The following POLA2 variants were observed in gnomAD, a reference collection of about 807,000 sequenced individuals.
POLA2 encodes DNA polymerase alpha 2, accessory subunit.
Under a neutral mutation model 82.8 loss-of-function variants are expected in POLA2, and 47 were observed. The ratio of observed to expected loss-of-function variants is 0.57; its 90% confidence interval spans 0.45 to 0.72. The LOEUF (loss-of-function observed/expected upper bound fraction) is 0.72, where lower values mean the gene tolerates loss of function less well. POLA2 is among the 30% of genes least tolerant of loss of function. POLA2 has a pLI of 0.00. For missense variants in POLA2, 634 were observed against 728.1 expected (o/e 0.87, Z 1.49); for synonymous variants, 287 against 286.8 (o/e 1.00, Z -0.01).
At position 65,297,214 on chromosome 11, in the gene POLA2, C is replaced by T. The variant is rs1176008657; in HGVS notation, c.1742C>T (p.Ala581Val). ...CGACTCTACCTTAGGAGGCCGGCAG[C>T]GGACGGGGCAGAGAGGCAGAGCCCA... ...FARLYLRRPA[A>V]DGAERQSPCI... Residue 581 changes from alanine (A) to valine (V), a missense_variant, in exon 18 of 18, where the codon GCG becomes GTG. Ala to Val is a moderately conservative substitution (Grantham distance 64, BLOSUM62 0). Coordinates refer to ENST00000265465, the MANE Select transcript of POLA2 (RefSeq NM_002689.4). 5.0e-6 allele frequency: 8 copies of T among 1,613,698 alleles called. No homozygotes were observed. The highest frequency in any genetic ancestry group is 2.7e-5 in the African/African-American group (2 of 74,908).
intron 5 of POLA2, among the ~76,000 whole-genome samples, chr11:65,276,593 A>G (rs1949582037): frequency 6.6e-6 from 1 of 152,090 alleles, no homozygotes; most frequent in Non-Finnish European, 1.5e-5. Flanking sequence ...AAATCCATAA[A>G]TGACACGTCT....
intron 6 of POLA2, among the ~76,000 whole-genome samples, 173 bp downstream of exon 6, chr11:65,279,096 C>T (rs1430635337): frequency 6.6e-6 from 1 of 152,206 alleles, no homozygotes; most frequent in Non-Finnish European, 1.5e-5. Flanking sequence ...GCAATACTAT[C>T]AGTGATTGCC....
chr11:65,302,327 C>A (rs1362528166), downstream of POLA2, among the ~76,000 whole-genome samples: 4 of 152,206 alleles, frequency 2.6e-5, no homozygotes, highest in Admixed American at 1.3e-4. Flanking sequence ...TAGCCCCGCT[C>A]CTGCTTCAGA....
intron 8 of POLA2, among the ~76,000 whole-genome samples, chr11:65,304,285 A>G (rs559822942): frequency 9.3e-5 from 14 of 149,916 alleles, no homozygotes; most frequent in Non-Finnish European, 1.8e-4. Flanking sequence ...TCTTCCATCC[A>G]TCCATCCTTC....
chr11:65,268,354 A>T lies in POLA2; in HGVS notation c.297-318A>T, dbSNP rs55859343. On this transcript the variant is annotated intron_variant, in intron 3 of 17. Coordinates refer to ENST00000265465, the MANE Select transcript of POLA2 (RefSeq NM_002689.4). ...TATATGAAAGTTTATTATTATTATT[A>T]TTATTTTTTTTTTTTGAGATGGAGT... 6.0e-3 allele frequency among the ~76,000 whole-genome samples: 894 copies of T among 148,950 alleles called. 3 individuals carry two copies. The highest frequency in any genetic ancestry group is 9.3e-3 in the African/African-American group (372 of 40,196).
chr11:65,265,537 A>G (rs538169744), intron 1 of POLA2, among the ~76,000 whole-genome samples: 2 of 151,956 alleles, frequency 1.3e-5, no homozygotes, highest in South Asian at 4.2e-4. Flanking sequence ...CTGGAGTATA[A>G]TGGGCAAATC....
chr11:65,263,756 G>A (rs1348654414), intron 1 of POLA2, among the ~76,000 whole-genome samples: 1 of 151,250 alleles, frequency 6.6e-6, no homozygotes, highest in African/African-American at 2.4e-5. Context: ...GAACATGAGA[G>A]GCAGAGGTTG....
rs11227170 is a variant in POLA2, at chr11:65,276,744, G to A, written c.461+746G>A. 9.0e-3 allele frequency among the ~76,000 whole-genome samples: 1,372 copies of A among 151,646 alleles called. 10 individuals carry two copies. The highest frequency in any genetic ancestry group is 0.028 in the Middle Eastern group (8 of 290). ...GCCAGGAGTCATTACCTCTACTTTG[G>A]ATCACTTCTAGATGAACCAGAGCTT... is the stretch of plus-strand genomic sequence containing the variant. On this transcript the variant is annotated intron_variant, in intron 5 of 17. Coordinates refer to ENST00000265465, the MANE Select transcript of POLA2 (RefSeq NM_002689.4).
chr11:65,270,172 T>C (rs1197399058), intron 4 of POLA2, among the ~76,000 whole-genome samples: 1 of 152,170 alleles, frequency 6.6e-6, no homozygotes, highest in Non-Finnish European at 1.5e-5. Flanking sequence ...TTTGTAGAAA[T>C]TCATAAACAT....
At position 65,297,102 on chromosome 11, in the gene POLA2, C is replaced by T; in HGVS notation, c.1648-18C>T. ...AGTTGAGGCTCTCCAAACCTGTCACCTCTCCTCTCCTCCCCAGGATGTCCT... is the reference window on the plus strand; with the variant it reads ...AGTTGAGGCTCTCCAAACCTGTCACTTCTCCTCTCCTCCCCAGGATGTCCT... On this transcript the variant is annotated intron_variant, in intron 17 of 17. Coordinates refer to ENST00000265465, the MANE Select transcript of POLA2 (RefSeq NM_002689.4). The T allele has an allele frequency of 6.2e-7, 1 of 1,613,646 alleles. No individual in the cohort carries two copies. The highest frequency in any genetic ancestry group is 8.5e-7 in the Non-Finnish European group (1 of 1,179,784).
rs973327127 is a variant in POLA2 at position 65,289,673 on chromosome 11, T to A, written c.1171-126T>A. On this transcript the variant is annotated intron_variant, in intron 12 of 17. Coordinates refer to ENST00000265465, the MANE Select transcript of POLA2 (RefSeq NM_002689.4). Reference sequence around the variant, plus strand: ...CCTTAAGACAAAGACCATGTCTTTTTCATCTTTGCGTCTCCTTCAGCTCCT... The same window carrying A: ...CCTTAAGACAAAGACCATGTCTTTTACATCTTTGCGTCTCCTTCAGCTCCT... The A allele has an allele frequency of 4.7e-5, 29 of 623,484 alleles. No homozygotes were observed. The African/African-American group carries it at 5.2e-4, about 11-fold the overall frequency. 38.6% of individuals were successfully genotyped at this position (623,484 alleles called of 1,614,324 possible).
downstream of POLA2, among the ~76,000 whole-genome samples, chr11:65,303,499 G>T (rs1949869391): frequency 6.6e-6 from 1 of 152,124 alleles, no homozygotes; most frequent in African/African-American, 2.4e-5. Context: ...TCCAGCCTGG[G>T]CGATAGAGCA....
At chr11:65,302,501 T>G (rs559630024), downstream of POLA2, among the ~76,000 whole-genome samples, 1 of 152,258 alleles carries the variant, frequency 6.6e-6, no homozygotes, top group African/African-American at 2.4e-5. Flanking sequence ...CCATCACTCC[T>G]GATTCCCAGC....
chr11:65,287,671 T>G, intron 10 of POLA2, 45 bp from the exon 11 acceptor site: 1 of 1,563,254 alleles, frequency 6.4e-7, no homozygotes, highest in African/African-American at 1.4e-5. Flanking sequence ...CCCACCATTC[T>G]AATACTAGTC....
downstream of POLA2, among the ~76,000 whole-genome samples, chr11:65,300,751 T>C (rs561450771): frequency 1.3e-5 from 2 of 152,262 alleles, no homozygotes; most frequent in East Asian, 3.9e-4. Context: ...CCAACTGATT[T>C]TTGTATTTTT....
chr11:65,283,166 T>C (rs573757783), intron 10 of POLA2, among the ~76,000 whole-genome samples: 1 of 152,260 alleles, frequency 6.6e-6, no homozygotes, highest in East Asian at 1.9e-4. Context: ...TTTTTGAAAG[T>C]ATAATGTGGC....
intron 10 of POLA2, 50 bp downstream of exon 10, chr11:65,282,571 T>C (rs766837862): frequency 1.3e-6 from 2 of 1,498,752 alleles, no homozygotes; most frequent in Admixed American, 3.3e-5. Flanking sequence ...ATGGTAGACA[T>C]GAGTCCAGGA....
chr11:65,262,122 G>A lies in POLA2; in HGVS notation c.-171G>A. 1 of 591,146 alleles carries A rather than the reference G, an allele frequency of 1.7e-6. No homozygotes were observed. The highest frequency in any genetic ancestry group is 3.0e-6 in the Non-Finnish European group (1 of 330,662). 36.6% of individuals were successfully genotyped at this position (591,146 alleles called of 1,614,324 possible). ...AAGTATTTCTCTGTGACCGACGGCC[G>A]GGGCCTTCTGACGGTCTGAGGTCTT... is the stretch of plus-strand genomic sequence containing the variant. On this transcript the variant is annotated 5_prime_UTR_variant, in exon 1 of 18. Coordinates refer to ENST00000265465, the MANE Select transcript of POLA2 (RefSeq NM_002689.4).
intron 13 of POLA2, among the ~76,000 whole-genome samples, chr11:65,290,121 A>G (rs1452541919): frequency 6.6e-6 from 1 of 151,880 alleles, no homozygotes; most frequent in East Asian, 1.9e-4. Context: ...GGCGGTGGGC[A>G]CCTGTAATCC....
Sources: gnomAD v4.1 joint callset for allele counts (sites outside exome capture counted in the v4.1 genomes callset) on GRCh38, gnomAD v4.1.1 for gene constraint, MANE v1.5 for transcripts, NCBI Gene and HGNC (gene_info 2026-07-23, HGNC 2026-07-21) for gene names.